Variants in PPM1E observed in about 807,000 individuals in gnomAD.
PPM1E encodes the protein protein phosphatase, Mg2+/Mn2+ dependent 1E.
PPM1E carries 20 observed loss-of-function variants against 65.9 expected under a neutral mutation model. The observed-to-expected ratio is 0.30, with a 90% CI of 0.21 to 0.44. The LOEUF (loss-of-function observed/expected upper bound fraction) is 0.44. Ranked by LOEUF, PPM1E falls within the 20% of genes least tolerant of loss-of-function variation. The pLI is 1.00. For synonymous variants in PPM1E, 352 were observed against 374.9 expected, an observed-to-expected ratio of 0.94 and a Z score of 0.70; for missense variants, 713 against 953.1, an observed-to-expected ratio of 0.75 and a Z score of 3.32.
intron 1 of PPM1E, among the ~76,000 whole-genome samples, chr17:58,942,179 A>T (rs2052081655): frequency 6.6e-6 from 1 of 152,078 alleles, no homozygotes; most frequent in Admixed American, 6.6e-5. Context: ...TGAGAGTAGG[A>T]GTTCGAGACT....
At chr17:58,935,916 A>C (rs1389240469) in intron 1 of PPM1E, among the ~76,000 whole-genome samples, 1 of 151,672 alleles carries the variant, frequency 6.6e-6, no homozygotes, top group Non-Finnish European at 1.5e-5. Flanking sequence ...GGTGTGCTGC[A>C]CCCATTAACT....
At chr17:58,919,622 C>T (rs967206511) in intron 1 of PPM1E, among the ~76,000 whole-genome samples, 1 of 151,910 alleles carries the variant, frequency 6.6e-6, no homozygotes, top group Non-Finnish European at 1.5e-5. Context: ...CCTGTCTCTA[C>T]TAAAAACACA....
chr17:58,841,234 C>T (rs1374415510), intron 1 of PPM1E, among the ~76,000 whole-genome samples: 1 of 152,050 alleles, frequency 6.6e-6, no homozygotes, highest in Non-Finnish European at 1.5e-5. Context: ...ATACTTCATC[C>T]TGAGGATGGG....
intron 1 of PPM1E, among the ~76,000 whole-genome samples, chr17:58,904,845 T>C (rs1455216433): frequency 2.9e-5 from 4 of 138,748 alleles, no homozygotes; most frequent in African/African-American, 1.1e-4. Flanking sequence ...ACCCCATCTC[T>C]ACTAAAAATA....
At chr17:58,967,944 C>G (rs1302924550) in intron 3 of PPM1E, among the ~76,000 whole-genome samples, 1 of 152,028 alleles carries the variant, frequency 6.6e-6, no homozygotes, top group Non-Finnish European at 1.5e-5. Context: ...GCTGGGAGTA[C>G]AGGCGCGTGC....
intron 1 of PPM1E, among the ~76,000 whole-genome samples, chr17:58,901,249 A>G (rs1336599989): frequency 6.6e-6 from 1 of 152,236 alleles, no homozygotes; most frequent in Non-Finnish European, 1.5e-5. Context: ...AAAAATGTGA[A>G]TATGATCAAC....
chr17:58,970,960 T>G (rs1336865831), intron 4 of PPM1E, among the ~76,000 whole-genome samples: 2 of 152,100 alleles, frequency 1.3e-5, no homozygotes. Flanking sequence ...CTTCTCAAAA[T>G]TATGTGTTGT....
chr17:58,959,755 A>G (rs1175886801), intron 2 of PPM1E, among the ~76,000 whole-genome samples: 1 of 152,108 alleles, frequency 6.6e-6, no homozygotes, highest in Non-Finnish European at 1.5e-5. Context: ...TTGAGGGCCT[A>G]CTATATATGC....
intron 1 of PPM1E, among the ~76,000 whole-genome samples, chr17:58,944,097 C>A (rs2052111437): frequency 6.6e-6 from 1 of 151,950 alleles, no homozygotes; most frequent in African/African-American, 2.4e-5. Context: ...TTTCCCCTAT[C>A]CCCTATCAGT....
chr17:58,835,450 A>G (rs187918300), intron 1 of PPM1E, among the ~76,000 whole-genome samples: 2 of 152,132 alleles, frequency 1.3e-5, no homozygotes, highest in Admixed American at 1.3e-4. Flanking sequence ...TTTTAGTGTT[A>G]TTGTAAATGT....
At chr17:58,936,387 T>C (rs1335237765) in intron 1 of PPM1E, among the ~76,000 whole-genome samples, 1 of 152,152 alleles carries the variant, frequency 6.6e-6, no homozygotes, top group Non-Finnish European at 1.5e-5. Flanking sequence ...ACTGAGTAGA[T>C]AGCATCATCA....
intron 1 of PPM1E, among the ~76,000 whole-genome samples, chr17:58,901,200 T>A (rs1439232082): frequency 2.6e-5 from 4 of 152,154 alleles, no homozygotes; most frequent in Non-Finnish European, 4.4e-5. Context: ...TGTGGTTAAA[T>A]CAAGGAGGAA....
chr17:58,768,804 G>A (rs1334906814), intron 1 of PPM1E, among the ~76,000 whole-genome samples: 1 of 152,080 alleles, frequency 6.6e-6, no homozygotes, highest in African/African-American at 2.4e-5. Flanking sequence ...CAAGTAGCTG[G>A]GATTACAGGC....
At chr17:58,818,734 T>TCCTTGAGTGCC (rs1453044141) in intron 1 of PPM1E, among the ~76,000 whole-genome samples, 26 of 152,378 alleles carry the variant, frequency 1.7e-4, no homozygotes, top group Admixed American at 1.3e-3. Flanking sequence ...TTTTGAGTGC[T>TCCTTGAGTGCC]TCTCTACCTC....
chr17:58,790,493 TAG>T (rs1183765536), intron 1 of PPM1E, among the ~76,000 whole-genome samples: 2 of 152,170 alleles, frequency 1.3e-5, no homozygotes, highest in Non-Finnish European at 2.9e-5. Flanking sequence ...TGTCTAGAAA[TAG>T]AGTCTAATTC....
intron 1 of PPM1E, among the ~76,000 whole-genome samples, chr17:58,906,889 C>G (rs1344633668): frequency 2.0e-5 from 3 of 151,902 alleles, no homozygotes; most frequent in Non-Finnish European, 4.4e-5. Flanking sequence ...TCATTTAGTT[C>G]AAAATATTTT....
At chr17:58,897,443 CT>C (rs1245460586) in intron 1 of PPM1E, among the ~76,000 whole-genome samples, 2 of 151,764 alleles carry the variant, frequency 1.3e-5, no homozygotes, top group Non-Finnish European at 2.9e-5. Context: ...GAAAATGCTA[CT>C]GCCAATTGGT....
chr17:58,804,124 C>CA (rs1182551646), intron 1 of PPM1E, among the ~76,000 whole-genome samples: 1 of 151,994 alleles, frequency 6.6e-6, no homozygotes, highest in Non-Finnish European at 1.5e-5. Flanking sequence ...GACTGGGTCT[C>CA]ACTATGTTGC....
chr17:58,917,914 G>C (rs899860055), intron 1 of PPM1E, among the ~76,000 whole-genome samples: 1 of 151,944 alleles, frequency 6.6e-6, no homozygotes, highest in African/African-American at 2.4e-5. Flanking sequence ...TCTATTCTTA[G>C]TTGGAATTTT....
Sources: allele counts gnomAD v4.1 joint callset (sites outside exome capture counted in the v4.1 genomes callset), GRCh38; gene constraint gnomAD v4.1.1; transcripts MANE v1.5; gene names NCBI Gene and HGNC (gene_info 2026-07-23, HGNC 2026-07-21).